The following DCC variants were observed in gnomAD, a reference collection of about 807,000 sequenced individuals.
DCC encodes the protein netrin receptor DCC.
DCC carries 58 observed loss-of-function variants against 172.5 expected under a neutral mutation model. The observed-to-expected ratio is 0.34, with a 90% CI of 0.27 to 0.42. The LOEUF is 0.42. Among genes scored for constraint, DCC ranks in the 10% least tolerant of loss-of-function variants. The probability of loss-of-function intolerance (pLI) is 1.00; values close to 1 mark genes in which losing one functional copy is unlikely to be tolerated. For synonymous variants in DCC, 709 were observed against 644.5 expected (o/e 1.10, Z -1.52); for missense variants, 1,740 against 1,791.0 (o/e 0.97, Z 0.51).
intron 1 of DCC, among the ~76,000 whole-genome samples, chr18:52,642,027 T>C (rs1223894298): frequency 2.0e-4 from 2 of 9,780 alleles, no homozygotes; most frequent in Non-Finnish European, 1.7e-3. Flanking sequence ...TATATATATA[T>C]ATATATATAT....
At chr18:52,819,968 C>G (rs2038375648) in intron 2 of DCC, among the ~76,000 whole-genome samples, 1 of 152,116 alleles carries the variant, frequency 6.6e-6, no homozygotes, top group Admixed American at 6.5e-5. Context: ...GATCCACCTG[C>G]CTCGGCCTCC....
intron 1 of DCC, among the ~76,000 whole-genome samples, chr18:52,507,088 G>A (rs1046492602): frequency 1.3e-5 from 2 of 152,128 alleles, no homozygotes; most frequent in African/African-American, 4.8e-5. Context: ...CTAAGAAAAT[G>A]AGGCTGTTTG....
chr18:52,935,993 G>A (rs555454520), intron 5 of DCC, among the ~76,000 whole-genome samples: 19 of 152,058 alleles, frequency 1.2e-4, no homozygotes, highest in African/African-American at 3.6e-4. Flanking sequence ...CCTTAGGTAC[G>A]TTTGTATTGA....
At chr18:53,111,394 TATAATA>T (rs1326555166) in intron 7 of DCC, among the ~76,000 whole-genome samples, 1 of 141,586 alleles carries the variant, frequency 7.1e-6, no homozygotes, top group African/African-American at 2.7e-5. Flanking sequence ...AAACTTAAAG[TATAATA>T]ATAATAAAAT....
chr18:53,074,164 A>G (rs912139229), intron 7 of DCC, among the ~76,000 whole-genome samples: 1 of 152,180 alleles, frequency 6.6e-6, no homozygotes, highest in Non-Finnish European at 1.5e-5. Flanking sequence ...TTATATGAGA[A>G]AAGTTACTAT....
chr18:52,771,870 T>A (rs1168464573), intron 2 of DCC, among the ~76,000 whole-genome samples: 3 of 12,808 alleles, frequency 2.3e-4, no homozygotes, highest in Admixed American at 1.8e-3. Flanking sequence ...TAGAAACTTG[T>A]GAAAAAAAAA....
At chr18:53,309,668 T>C (rs1338246258) in intron 13 of DCC, among the ~76,000 whole-genome samples, 1 of 152,086 alleles carries the variant, frequency 6.6e-6, no homozygotes, top group Non-Finnish European at 1.5e-5. Context: ...AGGTAACCCA[T>C]CACCACTCTG....
chr18:52,469,225 T>G lies in DCC; in HGVS notation c.91+128347T>G, dbSNP rs562288752. Among the ~76,000 whole-genome samples the G allele has an allele frequency of 1.4e-3, 210 of 152,154 alleles. 1 individual carries two copies. The highest frequency in any genetic ancestry group is 1.8e-3 in the Non-Finnish European group (124 of 68,014). ...GGCGTCTGCCAGCATGCATGGCTAA[T>G]TTTTTGTATTTTAGTAGAGATGATG... is the stretch of plus-strand genomic sequence containing the variant. On this transcript the variant is annotated intron_variant, in intron 1 of 28. Transcript: ENST00000442544.
chr18:53,455,463 GA>G (rs1159056102), intron 23 of DCC, among the ~76,000 whole-genome samples: 2 of 151,460 alleles, frequency 1.3e-5, no homozygotes, highest in South Asian at 2.1e-4. Flanking sequence ...AAGTGAAAAG[GA>G]AAAAAAACTC....
At chr18:53,205,414 C>T in intron 10 of DCC, 50 bp downstream of exon 10, 1 of 1,582,200 alleles carries the variant, frequency 6.3e-7, no homozygotes, top group Admixed American at 1.7e-5. Flanking sequence ...ATGTTTCCAT[C>T]CATTGGATAG....
chr18:52,947,044 G>A (rs886492281), intron 5 of DCC, among the ~76,000 whole-genome samples: 1 of 151,888 alleles, frequency 6.6e-6, no homozygotes. Flanking sequence ...TCTCAATATC[G>A]ATCCCATCTA....
intron 1 of DCC, among the ~76,000 whole-genome samples, chr18:52,705,160 G>A (rs780905803): frequency 1.3e-5 from 2 of 152,168 alleles, no homozygotes; most frequent in Non-Finnish European, 2.9e-5. Flanking sequence ...TGTTTTCTAA[G>A]CACATTTTAT....
intron 26 of DCC, among the ~76,000 whole-genome samples, chr18:53,494,365 A>G (rs920038416): frequency 3.9e-5 from 6 of 152,148 alleles, no homozygotes; most frequent in South Asian, 2.1e-4. Flanking sequence ...AGTAATGGAT[A>G]TCCTTGTTAA....
intron 12 of DCC, among the ~76,000 whole-genome samples, chr18:53,305,228 G>T (rs118182283): frequency 2.2e-4 from 33 of 152,198 alleles, no homozygotes; most frequent in Non-Finnish European, 4.6e-4. Context: ...AGCTCCCTCC[G>T]ATTTGCACCT....
intron 1 of DCC, among the ~76,000 whole-genome samples, chr18:52,615,521 C>G (rs558061783): frequency 6.6e-6 from 1 of 152,154 alleles, no homozygotes; most frequent in African/African-American, 2.4e-5. Flanking sequence ...AGTATCTAGT[C>G]AGGCTTTAAA....
intron 1 of DCC, among the ~76,000 whole-genome samples, chr18:52,376,723 A>G (rs1021974882): frequency 2.6e-5 from 4 of 152,204 alleles, no homozygotes; most frequent in Non-Finnish European, 4.4e-5. Context: ...GGCACTTTAC[A>G]TACGTCATCT....
intron 7 of DCC, among the ~76,000 whole-genome samples, chr18:53,090,104 A>T (rs1452539763): frequency 6.6e-6 from 1 of 152,208 alleles, no homozygotes; most frequent in African/African-American, 2.4e-5. Flanking sequence ...CTAAAATTTT[A>T]GGAAAGTTAT....
At chr18:53,445,098 G>A (rs1383411504) in intron 22 of DCC, among the ~76,000 whole-genome samples, 1 of 152,146 alleles carries the variant, frequency 6.6e-6, no homozygotes, top group Non-Finnish European at 1.5e-5. Context: ...CCAAGGAACT[G>A]TACCCCCATA....
chr18:52,691,271 C>T (rs2035926281), intron 1 of DCC, among the ~76,000 whole-genome samples: 1 of 152,076 alleles, frequency 6.6e-6, no homozygotes, highest in African/African-American at 2.4e-5. Flanking sequence ...GATCACCCTG[C>T]AGGAACATCA....
Sources: allele counts gnomAD v4.1 joint callset (sites outside exome capture counted in the v4.1 genomes callset), GRCh38; gene constraint gnomAD v4.1.1; transcripts MANE v1.5; gene names NCBI Gene and HGNC (gene_info 2026-07-23, HGNC 2026-07-21).